WNT16: variants seen among roughly 807,000 people sequenced by gnomAD.
WNT16 encodes the protein Wnt family member 16, also known as protein Wnt-16.
A neutral mutation model predicts 35.4 loss-of-function variants in WNT16; 20 were observed. That is an observed-to-expected ratio of 0.56 (90% CI 0.40 to 0.82). The LOEUF (loss-of-function observed/expected upper bound fraction) is 0.82, where lower values mean the gene tolerates loss of function less well. WNT16 is among the 40% of genes least tolerant of loss of function. The pLI, the probability that WNT16 is intolerant of heterozygous loss-of-function variation, is 0.00. For synonymous variants in WNT16, 180 were observed against 179.2 expected (o/e 1.00, Z -0.03); for missense variants, 461 against 466.0 (o/e 0.99, Z 0.10).
intron 3 of WNT16, among the ~76,000 whole-genome samples, chr7:121,333,164 C>A (rs1026591737): frequency 6.6e-6 from 1 of 151,982 alleles, no homozygotes; most frequent in South Asian, 2.1e-4. Flanking sequence ...CTGTCACATT[C>A]TTTTGAAATA....
rs141457388 is a variant in WNT16, at chr7:121,331,799, C to T, written c.468C>T (p.Gly156=). The T allele has an allele frequency of 9.3e-6, 15 of 1,614,192 alleles. No homozygotes were observed. In the East Asian group the frequency reaches 2.5e-4, roughly 26 times the overall value. The change falls in exon 3 of 4, where the codon GGC becomes GGT. Residue 156 remains glycine, a synonymous_variant. Coordinates refer to ENST00000222462, the MANE Select transcript of WNT16 (RefSeq NM_057168.2). ...ECSCDTTLQN[G]GSASEGWHWG... is the part of the protein sequence containing the mutation. Reference sequence around the variant, plus strand: ...CCTGTGACACCACCTTGCAGAACGGCGGCTCAGCAAGTGAAGGCTGGCACT... The same window carrying T: ...CCTGTGACACCACCTTGCAGAACGGTGGCTCAGCAAGTGAAGGCTGGCACT...
At chr7:121,327,739 C>G (rs770075058), upstream of WNT16, among the ~76,000 whole-genome samples, 13 of 152,194 alleles carry the variant, frequency 8.5e-5, no homozygotes, top group Non-Finnish European at 1.3e-4. Flanking sequence ...CAAAAGATCT[C>G]TAAGGACAGA....
chr7:121,334,628 C>G (rs960601846), intron 3 of WNT16, among the ~76,000 whole-genome samples: 2 of 152,004 alleles, frequency 1.3e-5, no homozygotes, highest in Admixed American at 1.3e-4. Context: ...TGGGTACTGG[C>G]GCTTAGTAGT....
At chr7:121,335,517 C>T (rs79969348) in intron 3 of WNT16, among the ~76,000 whole-genome samples, 3,321 of 152,088 alleles carry the variant, frequency 0.022, 114 homozygotes, top group African/African-American at 0.075. Context: ...TAAACCTTAA[C>T]AACTCAACTA....
rs1352349294 is a variant in WNT16 at position 121,339,483 on chromosome 7, C to T, written c.*138C>T. 5.7e-6 allele frequency: 4 copies of T among 703,310 alleles called. No individual in the cohort carries two copies. Among genetic ancestry groups the T allele is most frequent in the African/African-American group, 5.4e-5 (3 of 55,440 alleles). The allele number at this position is 703,310 out of a possible 1,614,324, so 43.6% of individuals were successfully genotyped here. On this transcript the variant is annotated 3_prime_UTR_variant, in exon 4 of 4. Transcript: ENST00000222462. ...CTAGAACCTTGGACCTGAGAGTTTC[C>T]CTTACCTGATCGACATATTTTCCTT...
At chr7:121,336,728 G>A (rs968717990) in intron 3 of WNT16, among the ~76,000 whole-genome samples, 4 of 152,104 alleles carry the variant, frequency 2.6e-5, no homozygotes, top group African/African-American at 7.2e-5. Flanking sequence ...AAGTGAGCTG[G>A]ACCAATTACT....
rs760998802 is a variant in WNT16 at position 121,340,925 on chromosome 7, A to C, written c.*1580A>C. ...TAGATTTTTAAAATTCAGAATGGAC[A>C]AAGAGAATATTCATTTTCTTATTAA... On this transcript the variant is annotated 3_prime_UTR_variant, in exon 4 of 4. Transcript: ENST00000222462. 3.3e-5 allele frequency: 5 copies of C among 152,134 alleles called. No homozygotes were observed. Among genetic ancestry groups the C allele is most frequent in the Non-Finnish European group, 7.4e-5 (5 of 67,992 alleles). 9.4% of individuals were successfully genotyped at this position (152,134 alleles called of 1,614,324 possible).
intron 1 of WNT16, 87 bp from the exon 2 acceptor site, chr7:121,329,480 G>T: frequency 6.3e-7 from 1 of 1,593,800 alleles, no homozygotes; most frequent in South Asian, 1.1e-5. Context: ...GGAGAAGGGC[G>T]GGGACCCTTA....
At chr7:121,332,397 G>A (rs1012397338) in intron 3 of WNT16, among the ~76,000 whole-genome samples, 13 of 152,142 alleles carry the variant, frequency 8.5e-5, no homozygotes, top group African/African-American at 3.1e-4. Flanking sequence ...TGTATACTGT[G>A]TATATCTAAA....
In WNT16 at chr7:121,329,025, C is replaced by CG. The variant is rs1677897150; in HGVS notation, c.-267dup. On this transcript the variant is annotated 5_prime_UTR_variant, in exon 1 of 4. The change creates a premature stop within an existing upstream ORF in the 5' untranslated region. Coordinates refer to ENST00000222462, the MANE Select transcript of WNT16 (RefSeq NM_057168.2). ...AACAGAAGTTTCTCACCTAGGAATG[C>CG]GAGGGGCGCTCCCGCATCTCCTGCA... The CG allele has an allele frequency of 6.6e-6, 8 of 1,217,328 alleles. No homozygotes were observed. The highest frequency in any genetic ancestry group is 4.7e-5 in the African/African-American group (3 of 64,246). 75.4% of individuals were successfully genotyped at this position (1,217,328 alleles called of 1,614,324 possible).
rs747319129 is a variant in WNT16, at chr7:121,340,543, G to A, written c.*1198G>A. The stretch of plus-strand genomic sequence containing the variant: ...ATGTTGCAAAATATCAAAAATTTGT[G>A]TTATTTCAGCAGTAAGATTAATTGA... On this transcript the variant is annotated 3_prime_UTR_variant, in exon 4 of 4. Transcript: ENST00000222462. The A allele has an allele frequency of 6.6e-6, 1 of 151,838 alleles. No homozygotes were observed. The highest frequency in any genetic ancestry group is 1.5e-5 in the Non-Finnish European group (1 of 67,876). 9.4% of individuals were successfully genotyped at this position (151,838 alleles called of 1,614,324 possible).
upstream of WNT16, among the ~76,000 whole-genome samples, chr7:121,327,042 G>A (rs1793256689): frequency 6.6e-6 from 1 of 152,210 alleles, no homozygotes; most frequent in South Asian, 2.1e-4. Flanking sequence ...CCAATGGCAG[G>A]GGTACAGCAA....
rs774484592 is a variant in WNT16, at chr7:121,329,690, C to A, written c.219C>A (p.Gly73=). Residue 73 remains glycine, a synonymous_variant, in exon 2 of 4, where the codon GGC becomes GGA. Coordinates refer to ENST00000222462, the MANE Select transcript of WNT16 (RefSeq NM_057168.2). ...KPYLLPSIRE[G]ARLGIQECGS... is the part of the protein sequence containing the mutation. ...ACCTGCTGCCGAGCATCCGAGAGGG[C>A]GCCCGGCTGGGCATTCAGGAGTGCG... The A allele has an allele frequency of 7.4e-6, 12 of 1,613,756 alleles. No individual in the cohort carries two copies. In the Admixed American group the frequency reaches 1.2e-4, roughly 16 times the overall value.
chr7:121,327,971 C>T (rs1191260399), upstream of WNT16, among the ~76,000 whole-genome samples: 1 of 152,208 alleles, frequency 6.6e-6, no homozygotes, highest in Non-Finnish European at 1.5e-5. Context: ...TTTAATCTCT[C>T]TTACTGATCA....
At position 121,331,797 on chromosome 7, in the gene WNT16, G is replaced by C; in HGVS notation, c.466G>C (p.Gly156Arg). ...ECSCDTTLQN[G>R]GSASEGWHWG... ...TTCCTGTGACACCACCTTGCAGAACGGCGGCTCAGCAAGTGAAGGCTGGCA... is the reference window on the plus strand; with the variant it reads ...TTCCTGTGACACCACCTTGCAGAACCGCGGCTCAGCAAGTGAAGGCTGGCA... Residue 156 changes from glycine to arginine, a missense_variant, in exon 3 of 4, where the codon GGC becomes CGC. Transcript: ENST00000222462. 1.2e-6 allele frequency: 2 copies of C among 1,614,216 alleles called. No homozygotes were observed. The highest frequency in any genetic ancestry group is 1.1e-5 in the South Asian group (1 of 91,084).
At chr7:121,328,950 G>C (rs118178099), upstream of WNT16, 25 of 916,830 alleles carry the variant, frequency 2.7e-5, no homozygotes, top group South Asian at 2.0e-4. Flanking sequence ...GCGCGGCCAG[G>C]GGGAGGAGAT....
chr7:121,337,378 A>G (rs1302396540), intron 3 of WNT16, among the ~76,000 whole-genome samples: 1 of 152,244 alleles, frequency 6.6e-6, no homozygotes. Flanking sequence ...GTTTGAAAAC[A>G]TAACATTCTG....
chr7:121,334,384 G>A (rs565173960), intron 3 of WNT16, among the ~76,000 whole-genome samples: 33 of 151,746 alleles, frequency 2.2e-4, no homozygotes, highest in African/African-American at 7.7e-4. Context: ...TTTTCTTTCT[G>A]TTGCTGGCAA....
At chr7:121,325,616 G>T, upstream of WNT16, 1 of 736,356 alleles carries the variant, frequency 1.4e-6, no homozygotes, top group Non-Finnish European at 2.1e-6. Flanking sequence ...TGAGTTTTAA[G>T]ATTTGGGGAT....
Sources: allele counts gnomAD v4.1 joint callset (sites outside exome capture counted in the v4.1 genomes callset), GRCh38; gene constraint gnomAD v4.1.1; transcripts MANE v1.5; gene names NCBI Gene and HGNC (gene_info 2026-07-23, HGNC 2026-07-21).